Variants in GAS7 observed in about 807,000 individuals in gnomAD.
GAS7 encodes the protein growth arrest-specific protein 7.
Under a neutral mutation model 71.1 loss-of-function variants are expected in GAS7, and 28 were observed. The observed-to-expected ratio is 0.39, with a 90% CI of 0.29 to 0.54. The LOEUF is 0.54. Ranked by LOEUF, GAS7 falls within the 20% of genes least tolerant of loss-of-function variation. GAS7 has a pLI of 0.62. For missense variants in GAS7, 436 were observed against 627.8 expected, an observed-to-expected ratio of 0.69 and a Z score of 3.27; for synonymous variants, 258 against 245.8, an observed-to-expected ratio of 1.05 and a Z score of -0.46.
chr17:9,947,635 T>C (rs1173550595), intron 5 of GAS7, among the ~76,000 whole-genome samples: 1 of 151,716 alleles, frequency 6.6e-6, no homozygotes, highest in Non-Finnish European at 1.5e-5. Context: ...TCCCAGCTAG[T>C]CGGGAGGCTG....
At chr17:10,025,824 T>C (rs1053327223) in intron 1 of GAS7, among the ~76,000 whole-genome samples, 1 of 152,124 alleles carries the variant, frequency 6.6e-6, no homozygotes, top group Non-Finnish European at 1.5e-5. Flanking sequence ...GTTGCAGCAT[T>C]AGAGGCAGCA....
chr17:9,938,293 G>A (rs889923289), intron 8 of GAS7, among the ~76,000 whole-genome samples: 2 of 151,984 alleles, frequency 1.3e-5, no homozygotes, highest in Middle Eastern at 3.4e-3. Flanking sequence ...GACTGCTTGA[G>A]TTCAGGGGTT....
chr17:10,030,380 C>T (rs1198771774), intron 1 of GAS7, among the ~76,000 whole-genome samples: 1 of 152,222 alleles, frequency 6.6e-6, no homozygotes, highest in African/African-American at 2.4e-5. Context: ...TCAAAGGGTT[C>T]TCAGGGCCAA....
chr17:10,108,486 A>C (rs2073780642), intron 1 of GAS7, among the ~76,000 whole-genome samples: 1 of 152,222 alleles, frequency 6.6e-6, no homozygotes, highest in Admixed American at 6.5e-5. Flanking sequence ...TTTCTATTTA[A>C]TGCATGCCCC....
At chr17:9,947,238 C>T (rs938197601) in intron 5 of GAS7, among the ~76,000 whole-genome samples, 6 of 152,180 alleles carry the variant, frequency 3.9e-5, no homozygotes, top group Non-Finnish European at 8.8e-5. Context: ...CTTCAGGTGC[C>T]TTTGACCCAG....
At position 9,997,733 on chromosome 17, in the gene GAS7, A is replaced by C. The variant is rs559713726; in HGVS notation, c.305-15849T>G. Reference sequence around the variant, plus strand: ...CTACACATCTGACAGATAGGCTATAAATCAGGGATTCTGTAACTCCCTCCA... The same window carrying C: ...CTACACATCTGACAGATAGGCTATACATCAGGGATTCTGTAACTCCCTCCA... On this transcript the variant is annotated intron_variant, in intron 2 of 13. Coordinates refer to ENST00000432992, the MANE Select transcript of GAS7 (RefSeq NM_201433.2). Among the ~76,000 whole-genome samples the C allele has an allele frequency of 2.0e-5, 3 of 152,368 alleles. No individual in the cohort carries two copies. In the South Asian group the frequency reaches 6.2e-4, roughly 32 times the overall value.
At chr17:10,040,170 G>A (rs1189057152) in intron 1 of GAS7, among the ~76,000 whole-genome samples, 1 of 152,204 alleles carries the variant, frequency 6.6e-6, no homozygotes, top group African/African-American at 2.4e-5. Flanking sequence ...ATTTAACAGA[G>A]GAAAACAGAG....
intron 9 of GAS7, among the ~76,000 whole-genome samples, chr17:9,928,107 TTTTA>T (rs1555590423): frequency 1.4e-4 from 21 of 148,176 alleles, no homozygotes; most frequent in Admixed American, 5.9e-4. Context: ...TTTATTTATT[TTTTA>T]TTTATTTATT....
At chr17:10,182,157 T>G (rs968409460) in intron 1 of GAS7, among the ~76,000 whole-genome samples, 1 of 152,178 alleles carries the variant, frequency 6.6e-6, no homozygotes, top group Non-Finnish European at 1.5e-5. Context: ...CATCCTTTTA[T>G]TCCCTTACTT....
At chr17:9,955,822 A>C (rs1263520459) in intron 5 of GAS7, among the ~76,000 whole-genome samples, 1 of 152,044 alleles carries the variant, frequency 6.6e-6, no homozygotes, top group African/African-American at 2.4e-5. Flanking sequence ...CAGTGTCCTC[A>C]ACAAAGCCGC....
Position 10,142,647 on chromosome 17 carries a change from T to C in GAS7, c.183+55561A>G, listed in dbSNP as rs146740687. The stretch of plus-strand genomic sequence containing the variant: ...GATTACAGGCATGAGCCACCGTGCC[T>C]GGCCTATTAAAGGTTTAAAAACAGA... On this transcript the variant is annotated intron_variant, in intron 1 of 13. Transcript: ENST00000432992. Among the ~76,000 whole-genome samples the C allele has an allele frequency of 4.8e-3, 735 of 152,258 alleles. 6 individuals are homozygous for C. Among genetic ancestry groups the C allele is most frequent in the African/African-American group, 0.017 (708 of 41,568 alleles).
chr17:9,977,514 G>C (rs1196643828), intron 3 of GAS7, among the ~76,000 whole-genome samples: 1 of 152,180 alleles, frequency 6.6e-6, no homozygotes, highest in African/African-American at 2.4e-5. Context: ...ATTTGCAGCA[G>C]TTACTGAATG....
intron 2 of GAS7, among the ~76,000 whole-genome samples, chr17:10,012,893 G>A (rs1276165515): frequency 6.6e-6 from 1 of 151,696 alleles, no homozygotes; most frequent in East Asian, 2.0e-4. Context: ...ACGAGATCAG[G>A]AGATCGAGAC....
intron 1 of GAS7, among the ~76,000 whole-genome samples, chr17:10,173,843 A>G (rs564739078): frequency 6.6e-6 from 1 of 152,100 alleles, no homozygotes; most frequent in Non-Finnish European, 1.5e-5. Flanking sequence ...TTTGCCCTTC[A>G]TGGGGGTGGG....
intron 4 of GAS7, among the ~76,000 whole-genome samples, chr17:9,961,303 G>A (rs2069482446): frequency 6.6e-6 from 1 of 152,204 alleles, no homozygotes; most frequent in African/African-American, 2.4e-5. Flanking sequence ...GAGAAAGGCA[G>A]ACGGAGGCTA....
At chr17:10,119,029 C>G (rs1185940959) in intron 1 of GAS7, among the ~76,000 whole-genome samples, 1 of 152,140 alleles carries the variant, frequency 6.6e-6, no homozygotes, top group Non-Finnish European at 1.5e-5. Flanking sequence ...ATACCATGCA[C>G]CAGGCGCTGT....
chr17:10,027,241 T>A (rs998571113), intron 1 of GAS7: 7 of 152,078 alleles, frequency 4.6e-5, no homozygotes, highest in African/African-American at 1.4e-4. Context: ...AATGAATGAA[T>A]GAATGAATGA....
intron 1 of GAS7, among the ~76,000 whole-genome samples, chr17:10,095,394 CG>C (rs1328991593): frequency 6.6e-6 from 1 of 152,132 alleles, no homozygotes; most frequent in Non-Finnish European, 1.5e-5. Flanking sequence ...ACTGGGCCCT[CG>C]AACTCCTGGG....
At chr17:10,153,679 T>C (rs2142110462) in intron 1 of GAS7, among the ~76,000 whole-genome samples, 1 of 152,358 alleles carries the variant, frequency 6.6e-6, no homozygotes, top group African/African-American at 2.4e-5. Flanking sequence ...TCATTTACTT[T>C]TCCTATTTTA....
Sources: gnomAD v4.1 joint callset for allele counts (sites outside exome capture counted in the v4.1 genomes callset) on GRCh38, gnomAD v4.1.1 for gene constraint, MANE v1.5 for transcripts, NCBI Gene and HGNC (gene_info 2026-07-23, HGNC 2026-07-21) for gene names.